The following TXN variants were observed in gnomAD, a reference collection of about 807,000 sequenced individuals.
The protein encoded by TXN is thioredoxin.
A neutral mutation model predicts 16.5 loss-of-function variants in TXN; 10 were observed. The ratio of observed to expected loss-of-function variants is 0.61; its 90% confidence interval spans 0.37 to 1.03. TXN has a LOEUF of 1.03. Among genes scored for constraint, TXN ranks in the 50% least tolerant of loss-of-function variants. The pLI, the probability that TXN is intolerant of heterozygous loss-of-function variation, is 0.01. For synonymous variants in TXN, 35 were observed against 39.4 expected, an observed-to-expected ratio of 0.89 and a Z score of 0.42; for missense variants, 71 against 122.5, an observed-to-expected ratio of 0.58 and a Z score of 1.98.
At chr9:110,247,597 T>C (rs1445167702) in intron 3 of TXN, among the ~76,000 whole-genome samples, 1 of 152,234 alleles carries the variant, frequency 6.6e-6, no homozygotes. Flanking sequence ...ATACAAAGTA[T>C]ACCACTACAG....
At chr9:110,255,716 C>A (rs1373135822) in intron 1 of TXN, among the ~76,000 whole-genome samples, 1 of 152,220 alleles carries the variant, frequency 6.6e-6, no homozygotes. Flanking sequence ...GCCCTCGGGC[C>A]TCCTGGACAG....
intron 3 of TXN, among the ~76,000 whole-genome samples, chr9:110,248,290 C>T (rs950797291): frequency 6.6e-6 from 1 of 152,214 alleles, no homozygotes; most frequent in Non-Finnish European, 1.5e-5. Context: ...CTGACTCGCC[C>T]AGAGCACCTC....
intron 3 of TXN, among the ~76,000 whole-genome samples, chr9:110,245,628 ATATATATATATATATATATATATATAT>A: frequency 4.8e-5 from 1 of 20,702 alleles, no homozygotes; most frequent in Admixed American, 6.3e-4. Flanking sequence ...CTATATATAT[ATATATATATATATATATATATATATAT>A]TTTTTTTTTT....
chr9:110,247,698 G>A (rs1837676728), intron 3 of TXN, among the ~76,000 whole-genome samples: 1 of 152,106 alleles, frequency 6.6e-6, no homozygotes, highest in Non-Finnish European at 1.5e-5. Flanking sequence ...CTACAATTAT[G>A]GACAGTATAT....
At chr9:110,252,247 C>CAAAAAAAAAAAAAAAAAAAAA (rs1837750960) in intron 1 of TXN, among the ~76,000 whole-genome samples, 1 of 82,354 alleles carries the variant, frequency 1.2e-5, no homozygotes, top group African/African-American at 4.9e-5. Flanking sequence ...AAAAAAAAAG[C>CAAAAAAAAAAAAAAAAAAAAA]TATGACTTTT....
intron 1 of TXN, among the ~76,000 whole-genome samples, chr9:110,252,348 C>G (rs1331701569): frequency 1.3e-5 from 2 of 151,802 alleles, no homozygotes; most frequent in Non-Finnish European, 2.9e-5. Context: ...CCTCAACACT[C>G]AGACATCACC....
Position 110,245,640 on chromosome 9 carries a change from A to ATG in TXN, c.190-798_190-797insCA, listed in dbSNP as rs1564367418. ...ACACTATATATATATATATATATAT[A>ATG]TATATATATATATATTTTTTTTTTT... On this transcript the variant is annotated intron_variant, in intron 3 of 4. Coordinates refer to ENST00000374517, the MANE Select transcript of TXN (RefSeq NM_003329.4). Among the ~76,000 whole-genome samples the ATG allele has an allele frequency of 9.8e-5, 3 of 30,494 alleles. 1 individual carries two copies. The highest frequency in any genetic ancestry group is 1.4e-4 in the African/African-American group (1 of 6,924). The allele number at this position is 30,494 out of a possible 152,430, so 20.0% of individuals were successfully genotyped here. A position where few individuals can be genotyped will look rare whatever the true frequency, so the allele number is the denominator to read the frequency against.
rs200412877 is a variant in TXN at position 110,251,397 on chromosome 9, C to G, written c.90G>C (p.Thr30=). ...DKLVVVDFSA[T]WCGPCKMIKP... is the part of the protein sequence containing the mutation. ...TGATCATTTTGCAAGGCCCACACCA[C>G]GTGGCTGAGAAGTCAACTACTACAA... is the stretch of plus-strand genomic sequence containing the variant. The change falls in exon 2 of 5, where the codon ACG becomes ACC. Residue 30 remains threonine (T), a synonymous_variant. Transcript: ENST00000374517. 3.7e-6 allele frequency: 6 copies of G among 1,611,902 alleles called. No homozygotes were observed. The highest frequency in any genetic ancestry group is 4.2e-6 in the Non-Finnish European group (5 of 1,179,828).
Position 110,246,303 on chromosome 9 carries a change from TA to T in TXN, c.190-1461del, listed in dbSNP as rs1487536849. ...TTTCTCCTCTCCTAGAAGTGGCTGT[TA>T]CCACAGCTAAAGATTTTTCTACAGC... On this transcript the variant is annotated intron_variant, in intron 3 of 4. Coordinates refer to ENST00000374517, the MANE Select transcript of TXN (RefSeq NM_003329.4). Among the ~76,000 whole-genome samples, 3 of 152,218 alleles carry T rather than the reference TA, an allele frequency of 2.0e-5. No individual in the cohort carries two copies. In the East Asian group the frequency reaches 5.8e-4, roughly 29 times the overall value.
intron 3 of TXN, among the ~76,000 whole-genome samples, chr9:110,250,277 T>C (rs756263876): frequency 9.2e-5 from 14 of 152,104 alleles, no homozygotes; most frequent in Non-Finnish European, 1.6e-4. Flanking sequence ...ATATACCTAG[T>C]GCAAAACAAG....
intron 3 of TXN, among the ~76,000 whole-genome samples, chr9:110,246,410 A>T (rs1837661385): frequency 6.6e-6 from 1 of 152,130 alleles, no homozygotes; most frequent in Non-Finnish European, 1.5e-5. Flanking sequence ...TGCTCAACAC[A>T]TTGTTCATGC....
intron 1 of TXN, among the ~76,000 whole-genome samples, chr9:110,252,069 C>T (rs1564080817): frequency 1.3e-5 from 2 of 151,818 alleles, no homozygotes; most frequent in African/African-American, 2.4e-5. Flanking sequence ...ACTAAAAATA[C>T]AGAAACTAGC....
At chr9:110,255,695 G>A (rs1837800382) in intron 1 of TXN, among the ~76,000 whole-genome samples, 1 of 152,288 alleles carries the variant, frequency 6.6e-6, no homozygotes, top group Non-Finnish European at 1.5e-5. Flanking sequence ...ACTTCCTCGC[G>A]GTCACCTGGG....
chr9:110,253,526 T>C (rs895523300), intron 1 of TXN, among the ~76,000 whole-genome samples: 2 of 152,242 alleles, frequency 1.3e-5, no homozygotes, highest in Non-Finnish European at 2.9e-5. Context: ...TGCCAATGTC[T>C]GGTTGAATAG....
chr9:110,254,208 T>C lies in TXN; in HGVS notation c.24+2204A>G, dbSNP rs4135170. On this transcript the variant is annotated intron_variant, in intron 1 of 4. Coordinates refer to ENST00000374517, the MANE Select transcript of TXN (RefSeq NM_003329.4). ...CAAATTTAGCCCATTAGGATGAAAA[T>C]GTAACATGTATTCAACATTTACAAA... 4.4e-3 allele frequency among the ~76,000 whole-genome samples: 669 copies of C among 152,282 alleles called. 7 individuals carry two copies. The highest frequency in any genetic ancestry group is 0.015 in the African/African-American group (604 of 41,560).
intron 1 of TXN, among the ~76,000 whole-genome samples, chr9:110,253,521 A>G (rs1438889940): frequency 6.6e-6 from 1 of 152,210 alleles, no homozygotes; most frequent in Non-Finnish European, 1.5e-5. Context: ...AGAAATGCCA[A>G]TGTCTGGTTG....
chr9:110,249,579 T>G (rs1452160560), intron 3 of TXN, among the ~76,000 whole-genome samples: 2 of 152,114 alleles, frequency 1.3e-5, no homozygotes, highest in African/African-American at 4.8e-5. Flanking sequence ...GTGAAGCTCA[T>G]GACAAGGAGT....
chr9:110,245,624 A>ACAC lies in TXN; in HGVS notation c.190-782_190-781insGTG, dbSNP rs1564367354. 7.8e-4 allele frequency among the ~76,000 whole-genome samples: 15 copies of ACAC among 19,324 alleles called. 1 individual carries two copies. The highest frequency in any genetic ancestry group is 2.4e-3 in the African/African-American group (10 of 4,106). 12.7% of individuals were successfully genotyped at this position (19,324 alleles called of 152,430 possible). Reference sequence around the variant, plus strand: ...ATATACACACACACACACACTATATATATATATATATATATATATATATAT... The same window carrying ACAC: ...ATATACACACACACACACACTATATACACTATATATATATATATATATATATAT... On this transcript the variant is annotated intron_variant, in intron 3 of 4. Transcript: ENST00000374517.
chr9:110,245,633 TATATATATATATATATA>T (rs1837642158), intron 3 of TXN, among the ~76,000 whole-genome samples: 1 of 23,972 alleles, frequency 4.2e-5, no homozygotes, highest in African/African-American at 2.1e-4. Flanking sequence ...TATATATATA[TATATATATATATATATA>T]TATATTTTTT....
Sources: allele counts gnomAD v4.1 joint callset (sites outside exome capture counted in the v4.1 genomes callset), GRCh38; gene constraint gnomAD v4.1.1; transcripts MANE v1.5; gene names NCBI Gene and HGNC (gene_info 2026-07-23, HGNC 2026-07-21).